KCNC3: variants seen among roughly 807,000 people sequenced by gnomAD.
KCNC3 encodes potassium voltage-gated channel subfamily C member 3, also known as voltage-gated potassium channel KCNC3.
Under a neutral mutation model 43.9 loss-of-function variants are expected in KCNC3, and 22 were observed. The ratio of observed to expected loss-of-function variants is 0.50; its 90% CI spans 0.36 to 0.72. The LOEUF (loss-of-function observed/expected upper bound fraction) is 0.72, where lower values mean the gene tolerates loss of function less well. KCNC3 is among the 30% of genes least tolerant of loss of function. KCNC3 has a pLI of 0.00. For missense variants in KCNC3, 829 were observed against 1,073.8 expected (o/e 0.77, Z 3.19); for synonymous variants, 492 against 488.0 (o/e 1.01, Z -0.11).
In KCNC3 at chr19:50,324,244, T is replaced by C. The variant is rs369287807; in HGVS notation, c.871-162A>G. 3.3e-5 allele frequency among the ~76,000 whole-genome samples: 5 copies of C among 152,144 alleles called. No individual in the cohort carries two copies. In the East Asian group the frequency reaches 9.7e-4, roughly 30 times the overall value. Reference sequence around the variant, plus strand: ...CCCTGTGGCTCCATCACTTCCAGAATCCCATTCTCCCCTCTAAAGCTAGCA... The same window carrying C: ...CCCTGTGGCTCCATCACTTCCAGAACCCCATTCTCCCCTCTAAAGCTAGCA... On this transcript the variant is annotated intron_variant, in intron 1 of 4. Transcript: ENST00000477616. The surrounding 1 kb of genome is among the most constrained non-coding windows in gnomAD (Gnocchi z 4.1).
At chr19:50,325,328 G>C (rs1469595820) in intron 1 of KCNC3, among the ~76,000 whole-genome samples, 1 of 152,156 alleles carries the variant, frequency 6.6e-6, no homozygotes, top group Non-Finnish European at 1.5e-5. Context: ...GGGAGGGCAT[G>C]GGGAGTTTTG....
In KCNC3 at chr19:50,320,225, CG is replaced by C; in HGVS notation, c.*20del. ...ATCAGAGGGTGGGGGCTACTTACCC[CG>C]GGGGGAGGGGGTTCGTCCACTAGGG... is the stretch of plus-strand genomic sequence containing the variant. On this transcript the variant is annotated 3_prime_UTR_variant, in exon 4 of 5. Transcript: ENST00000477616. 4.8e-5 allele frequency: 14 copies of C among 292,122 alleles called. No individual in the cohort carries two copies. The highest frequency in any genetic ancestry group is 7.1e-5 in the South Asian group (1 of 14,050). 18.1% of individuals were successfully genotyped at this position (292,122 alleles called of 1,614,324 possible).
intron 3 of KCNC3, 69 bp downstream of exon 3, chr19:50,320,506 CCTCCTCCCCCATCCCCCT>C: frequency 1.2e-5 from 15 of 1,303,690 alleles, no homozygotes; most frequent in Non-Finnish European, 1.6e-5. Context: ...AAGTCCACCG[CCTCCTCCCCCATCCCCCT>C]CTCCTCCCTC....
intron 2 of KCNC3, 142 bp from the exon 3 acceptor site, chr19:50,320,926 G>T: frequency 1.2e-6 from 1 of 819,698 alleles, no homozygotes; most frequent in Non-Finnish European, 2.0e-6. Flanking sequence ...TCAAGGGCAG[G>T]GTGATGGGAA....
Position 50,323,058 on chromosome 19 carries a change from C to T in KCNC3, c.1895G>A (p.Gly632Glu). 2 of 1,540,416 alleles carry T rather than the reference C, an allele frequency of 1.3e-6. No homozygotes were observed. The highest frequency in any genetic ancestry group is 1.7e-6 in the Non-Finnish European group (2 of 1,143,322). ...TGGCAGAGGAGGCAGCCCCATGATC[C>T]CCAGCCCACCCGCTCCCCCCCTGAG... Reference protein sequence around the residue: ...GLLRGGAGGLGIMGLPPLPAP... With the variant: ...GLLRGGAGGLEIMGLPPLPAP... Residue 632 changes from glycine (G) to glutamate (E), a missense_variant, in exon 2 of 5, where the codon GGG (glycine) becomes GAG (glutamate). Transcript: ENST00000477616.
Position 50,315,943 on chromosome 19 carries a change from G to T in KCNC3, c.*172C>A, listed in dbSNP as rs1026565605. On this transcript the variant is annotated 3_prime_UTR_variant, in exon 5 of 5. Coordinates refer to ENST00000477616, the MANE Select transcript of KCNC3 (RefSeq NM_004977.3). ...GCTAAGGGAGCTGTCTGGACAAAAG[G>T]TGTCTTGATCGTAGGAGGGAGGGCT... The T allele has an allele frequency of 5.6e-6, 2 of 357,170 alleles. No individual in the cohort carries two copies. Among genetic ancestry groups the T allele is most frequent in the Non-Finnish European group, 1.1e-5 (2 of 188,494 alleles). 22.1% of individuals were successfully genotyped at this position (357,170 alleles called of 1,614,324 possible). A position where few individuals can be genotyped will look rare whatever the true frequency, so the allele number is the denominator to read the frequency against.
rs1292100329 is a variant in KCNC3, at chr19:50,320,358, G to A, written c.2171-9C>T. 1.3e-4 allele frequency: 62 copies of A among 473,142 alleles called. No individual in the cohort carries two copies. Among genetic ancestry groups the A allele is most frequent in the East Asian group, 2.4e-4 (6 of 25,404 alleles). 29.3% of individuals were successfully genotyped at this position (473,142 alleles called of 1,614,324 possible). A position where few individuals can be genotyped will look rare whatever the true frequency, so the allele number is the denominator to read the frequency against. ...TGGGGGAGCACCAGTGGCTGGGGGT[G>A]GGGGAAGAGGCCAGAGAGTTGGGGG... On this transcript the variant is annotated splice_polypyrimidine_tract_variant and intron_variant, in intron 3 of 4. Transcript: ENST00000477616.
chr19:50,331,705 GTTC>G (rs751156308), upstream of KCNC3, among the ~76,000 whole-genome samples: 18 of 149,842 alleles, frequency 1.2e-4, no homozygotes, highest in South Asian at 2.1e-4. Context: ...CTGGCTCTCT[GTTC>G]TTCTCTCTCT....
rs1336970760 is a variant in KCNC3, at chr19:50,315,190, C to G, written c.*925G>C. ...GACAGAGACACAAAAGGACGGATGA[C>G]AAGAGACAGATGGACAGAGATGGAC... On this transcript the variant is annotated 3_prime_UTR_variant, in exon 5 of 5. Coordinates refer to ENST00000477616, the MANE Select transcript of KCNC3 (RefSeq NM_004977.3). Among the ~76,000 whole-genome samples, 2 of 150,882 alleles carry G rather than the reference C, an allele frequency of 1.3e-5. No homozygotes were observed. Among genetic ancestry groups the G allele is most frequent in the African/African-American group, 4.9e-5 (2 of 40,910 alleles).
intron 4 of KCNC3, among the ~76,000 whole-genome samples, chr19:50,319,200 T>C (rs1206232083): frequency 6.6e-6 from 1 of 152,102 alleles, no homozygotes; most frequent in African/African-American, 2.4e-5. Flanking sequence ...CCCTCACTTC[T>C]GCATGGCCGG....
At position 50,315,970 on chromosome 19, in the gene KCNC3, G is replaced by T; in HGVS notation, c.*145C>A. ...GTCTTGATCGTAGGAGGGAGGGCTTGGGGGGAGATTTGAAGCCCAGTGTCT... is the reference window on the plus strand; with the variant it reads ...GTCTTGATCGTAGGAGGGAGGGCTTTGGGGGAGATTTGAAGCCCAGTGTCT... On this transcript the variant is annotated 3_prime_UTR_variant, in exon 5 of 5. Transcript: ENST00000477616. 1 of 380,654 alleles carries T rather than the reference G, an allele frequency of 2.6e-6. No homozygotes were observed. The highest frequency in any genetic ancestry group is 1.4e-4 in the South Asian group (1 of 7,218). The allele number at this position is 380,654 out of a possible 1,614,324, so 23.6% of individuals were successfully genotyped here.
At position 50,324,784 on chromosome 19, in the gene KCNC3, G is replaced by C. The variant is rs927714830; in HGVS notation, c.871-702C>G. The stretch of plus-strand genomic sequence containing the variant: ...ACCTGAGCTGTTGTTAGGGTATGCA[G>C]GCAGCAGTTAGTTGGGGGGCAAGGT... On this transcript the variant is annotated intron_variant, in intron 1 of 4. Transcript: ENST00000477616. The surrounding 1 kb of genome is among the most constrained non-coding windows in gnomAD (Gnocchi z 4.1). 3.9e-5 allele frequency among the ~76,000 whole-genome samples: 6 copies of C among 152,172 alleles called. No homozygotes were observed. The highest frequency in any genetic ancestry group is 8.8e-5 in the Non-Finnish European group (6 of 68,030).
upstream of KCNC3, among the ~76,000 whole-genome samples, chr19:50,332,957 C>T (rs1257776707): frequency 1.3e-5 from 2 of 152,162 alleles, no homozygotes; most frequent in Non-Finnish European, 2.9e-5. This position sits in a 1 kb window ranked among gnomAD's most constrained non-coding sequence, Gnocchi z 5.8. Context: ...CGGTTCCATT[C>T]GGAGCCTTGG....
chr19:50,324,095 G>A lies in KCNC3; in HGVS notation c.871-13C>T. On this transcript the variant is annotated splice_polypyrimidine_tract_variant and intron_variant, in intron 1 of 4. Coordinates refer to ENST00000477616, the MANE Select transcript of KCNC3 (RefSeq NM_004977.3). This position sits in a 1 kb window ranked among gnomAD's most constrained non-coding sequence, Gnocchi z 4.1. ...CGAAGGCCACATACTGCAGGGCAGG[G>A]AGGGAGAGAGAGGGGGAGAGGTGAC... 6.4e-7 allele frequency: 1 copy of A among 1,574,560 alleles called. No homozygotes were observed. Among genetic ancestry groups the A allele is most frequent in the Non-Finnish European group, 8.6e-7 (1 of 1,159,954 alleles).
intron 1 of KCNC3, among the ~76,000 whole-genome samples, chr19:50,325,758 C>A (rs956778038): frequency 1.3e-5 from 2 of 152,048 alleles, no homozygotes; most frequent in Non-Finnish European, 2.9e-5. Context: ...CGGCCAGTAC[C>A]GCGGACAGCT....
In KCNC3 at chr19:50,324,551, G is replaced by A. The variant is rs569994563; in HGVS notation, c.871-469C>T. On this transcript the variant is annotated intron_variant, in intron 1 of 4. Transcript: ENST00000477616. The surrounding 1 kb of genome is among the most constrained non-coding windows in gnomAD (Gnocchi z 4.1). ...TGGGCAGACGGGAAGGGAGAAGGCG[G>A]GCAGGGAGGCAGAATCGTGAGGTGG... 1.4e-4 allele frequency among the ~76,000 whole-genome samples: 22 copies of A among 152,304 alleles called. No homozygotes were observed. The highest frequency in any genetic ancestry group is 5.3e-4 in the African/African-American group (22 of 41,562).
Position 50,323,191 on chromosome 19 carries a change from G to T in KCNC3, c.1762C>A (p.His588Asn). 1 of 1,524,202 alleles carries T rather than the reference G, an allele frequency of 6.6e-7. No homozygotes were observed. The highest frequency in any genetic ancestry group is 8.8e-7 in the Non-Finnish European group (1 of 1,136,920). 94.4% of individuals were successfully genotyped at this position (1,524,202 alleles called of 1,614,324 possible). A position where few individuals can be genotyped will look rare whatever the true frequency, so the allele number is the denominator to read the frequency against. ...DPPPPPPPHPHHGSGGISPPP... is the reference protein window; with the variant it reads ...DPPPPPPPHPNHGSGGISPPP... The stretch of plus-strand genomic sequence containing the variant: ...GGGCTGATGCCCCCGCTGCCGTGGT[G>T]CGGGTGGGGCGGGGGTGGCGGGGGT... The change falls in exon 2 of 5, where the codon CAC (histidine) becomes AAC (asparagine). Residue 588 changes from histidine to asparagine, a missense_variant. This residue lies in a region of KCNC3 where 308 missense variants were observed against 276.2 expected (regional missense o/e 1.11). Coordinates refer to ENST00000477616, the MANE Select transcript of KCNC3 (RefSeq NM_004977.3).
chr19:50,328,392 C>T lies in KCNC3; in HGVS notation c.691G>A (p.Gly231Ser), dbSNP rs372187228. 69 of 1,285,748 alleles carry T rather than the reference C, an allele frequency of 5.4e-5. 1 individual carries two copies. The East Asian group carries it at 1.0e-3, about 19-fold the overall frequency. The allele number at this position is 1,285,748 out of a possible 1,614,324, so 79.6% of individuals were successfully genotyped here. A position where few individuals can be genotyped will look rare whatever the true frequency, so the allele number is the denominator to read the frequency against. ...DGGLDDEAGA[G>S]GGGLDGAGGE... is the part of the protein sequence containing the mutation. Reference sequence around the variant, plus strand: ...CCCGCTCCGTCCAGGCCGCCGCCGCCCGCGCCCGCCTCGTCGTCCAGGCCT... The same window carrying T: ...CCCGCTCCGTCCAGGCCGCCGCCGCTCGCGCCCGCCTCGTCGTCCAGGCCT... The change falls in exon 1 of 5, where the codon GGC becomes AGC. Residue 231 changes from glycine (G) to serine (S), a missense_variant. Gly to Ser is a moderately conservative substitution (Grantham distance 56). Around this residue, in one of 7 missense-constraint regions of KCNC3, gnomAD observed 60 missense variants for 56.0 expected, o/e 1.07. Coordinates refer to ENST00000477616, the MANE Select transcript of KCNC3 (RefSeq NM_004977.3).
At chr19:50,318,546 A>G (rs2036986697) in intron 4 of KCNC3, among the ~76,000 whole-genome samples, 1 of 152,180 alleles carries the variant, frequency 6.6e-6, no homozygotes, top group African/African-American at 2.4e-5. Flanking sequence ...GCCAGATAGT[A>G]AATCTCTTTG....
Sources: allele counts gnomAD v4.1 joint callset (sites outside exome capture counted in the v4.1 genomes callset), GRCh38; gene constraint gnomAD v4.1.1; regional missense constraint gnomAD v4.1.1; non-coding constraint Gnocchi (gnomAD v3.1); transcripts MANE v1.5; gene names NCBI Gene and HGNC (gene_info 2026-07-23, HGNC 2026-07-21).